The following NFYC variants were observed in gnomAD, a reference collection of about 807,000 sequenced individuals.
NFYC encodes nuclear transcription factor Y subunit gamma.
A neutral mutation model predicts 53.1 loss-of-function variants in NFYC; 25 were observed. That is an observed-to-expected ratio of 0.47 (90% confidence interval 0.34 to 0.66). The LOEUF (loss-of-function observed/expected upper bound fraction) is 0.66. Ranked by LOEUF, NFYC falls within the 30% of genes least tolerant of loss-of-function variation. NFYC has a pLI of 0.01. For missense variants in NFYC, 260 were observed against 422.7 expected, an observed-to-expected ratio of 0.62 and a Z score of 3.38; for synonymous variants, 145 against 152.6, an observed-to-expected ratio of 0.95 and a Z score of 0.37.
intron 1 of NFYC, among the ~76,000 whole-genome samples, chr1:40,731,088 T>A (rs893060965): frequency 2.0e-5 from 3 of 152,164 alleles, no homozygotes; most frequent in Non-Finnish European, 4.4e-5. Flanking sequence ...GATTGAGTTG[T>A]CCAGGCTTGG....
intron 1 of NFYC, among the ~76,000 whole-genome samples, chr1:40,695,006 G>A (rs2148397785): frequency 6.6e-6 from 1 of 152,222 alleles, no homozygotes; most frequent in African/African-American, 2.4e-5. Flanking sequence ...TAATCCCAGC[G>A]TTTTGGGAGG....
At chr1:40,753,381 T>TC in intron 5 of NFYC, 135 bp downstream of exon 5, 1 of 585,664 alleles carries the variant, frequency 1.7e-6, no homozygotes, top group Admixed American at 2.8e-5. Flanking sequence ...GATTCATTCT[T>TC]AACATCTCCT....
intron 1 of NFYC, among the ~76,000 whole-genome samples, chr1:40,724,693 TTG>T (rs1384024455): frequency 6.6e-6 from 1 of 152,224 alleles, no homozygotes; most frequent in Non-Finnish European, 1.5e-5. Flanking sequence ...GTCACTTTCA[TTG>T]TTTATACCAG....
intron 1 of NFYC, among the ~76,000 whole-genome samples, chr1:40,726,306 C>T (rs553790384): frequency 1.1e-3 from 168 of 151,970 alleles, no homozygotes; most frequent in Middle Eastern, 0.01. Context: ...TTAGTAGAGA[C>T]GGGGTTTCAC....
intron 1 of NFYC, among the ~76,000 whole-genome samples, chr1:40,694,980 C>T (rs1643046666): frequency 1.3e-5 from 2 of 152,172 alleles, no homozygotes; most frequent in South Asian, 2.1e-4. Context: ...AGACTGGGCG[C>T]AGTGGCTCAC....
rs140635541 is a variant in NFYC, at chr1:40,766,862, G to T, written c.828+159G>T. 1.1e-4 allele frequency: 170 copies of T among 1,537,628 alleles called. 2 individuals carry two copies. In the African/African-American group the frequency reaches 1.4e-3, roughly 13 times the overall value. ...TATCCTTCTGCACCCAAGAGGCATG[G>T]GTGGTAATTGGAACATTAGATTCAA... On this transcript the variant is annotated intron_variant, in intron 8 of 9. Transcript: ENST00000447388.
intron 1 of NFYC, among the ~76,000 whole-genome samples, chr1:40,693,645 A>G (rs879646788): frequency 5.3e-5 from 8 of 152,210 alleles, no homozygotes; most frequent in Non-Finnish European, 1.2e-4. Flanking sequence ...ACTGAGGATC[A>G]GAGAGTTTAA....
intron 1 of NFYC, among the ~76,000 whole-genome samples, chr1:40,728,891 G>A (rs544819998): frequency 1.0e-3 from 157 of 152,316 alleles, no homozygotes; most frequent in Non-Finnish European, 1.8e-3. Flanking sequence ...GCCCGCCTTG[G>A]CCTCCCAAAG....
At chr1:40,707,666 A>C (rs12737069) in intron 1 of NFYC, among the ~76,000 whole-genome samples, 1 of 151,232 alleles carries the variant, frequency 6.6e-6, no homozygotes, top group African/African-American at 2.4e-5. Flanking sequence ...AAAAAAAAAA[A>C]CAAGAAAAGA....
At chr1:40,710,950 T>C (rs1643909793) in intron 1 of NFYC, among the ~76,000 whole-genome samples, 1 of 152,226 alleles carries the variant, frequency 6.6e-6, no homozygotes, top group Admixed American at 6.5e-5. Flanking sequence ...ACTTCTGATA[T>C]TCAAGTCGAG....
intron 6 of NFYC, among the ~76,000 whole-genome samples, chr1:40,759,546 CAAAA>C (rs947535061): frequency 1.6e-4 from 20 of 126,426 alleles, no homozygotes; most frequent in African/African-American, 5.7e-4. Flanking sequence ...AAAAAAAAAA[CAAAA>C]AAAAGTATAT....
intron 1 of NFYC, among the ~76,000 whole-genome samples, chr1:40,699,961 A>T (rs1306502696): frequency 6.6e-6 from 1 of 152,202 alleles, no homozygotes; most frequent in Non-Finnish European, 1.5e-5. Flanking sequence ...ACGCGGTGTT[A>T]CTCAGACTTA....
At chr1:40,734,800 G>A (rs1644941686) in intron 1 of NFYC, 1 of 152,164 alleles carries the variant, frequency 6.6e-6, no homozygotes. Context: ...TCTTCTAAGA[G>A]ACATTACTAA....
chr1:40,703,660 A>G (rs181345944), intron 1 of NFYC, among the ~76,000 whole-genome samples: 1 of 152,218 alleles, frequency 6.6e-6, no homozygotes, highest in Admixed American at 6.5e-5. Flanking sequence ...GATTTGATTT[A>G]TATCTTTATG....
chr1:40,751,331 A>G (rs530615474), intron 4 of NFYC, among the ~76,000 whole-genome samples: 1 of 152,340 alleles, frequency 6.6e-6, no homozygotes, highest in South Asian at 2.1e-4. Flanking sequence ...GATAGAAATC[A>G]GAGTTGTGGT....
chr1:40,753,601 C>T (rs1456623901), intron 5 of NFYC, among the ~76,000 whole-genome samples: 1 of 152,216 alleles, frequency 6.6e-6, no homozygotes, highest in Non-Finnish European at 1.5e-5. Context: ...GAAACAGCTT[C>T]TCTATGTGCA....
At chr1:40,703,679 A>C (rs1357322864) in intron 1 of NFYC, among the ~76,000 whole-genome samples, 1 of 152,024 alleles carries the variant, frequency 6.6e-6, no homozygotes, top group African/African-American at 2.4e-5. Context: ...TGCTTTGGGG[A>C]TATATGTAGA....
At chr1:40,738,428 G>A (rs920249505) in intron 1 of NFYC, among the ~76,000 whole-genome samples, 25 of 152,314 alleles carry the variant, frequency 1.6e-4, no homozygotes, top group African/African-American at 5.3e-4. Flanking sequence ...GTGGCATGGA[G>A]GATGAGAAGC....
At chr1:40,754,692 C>T (rs887862855) in intron 5 of NFYC, among the ~76,000 whole-genome samples, 1 of 152,206 alleles carries the variant, frequency 6.6e-6, no homozygotes, top group Non-Finnish European at 1.5e-5. Flanking sequence ...TCAGGCCTTG[C>T]TCACTCTCAT....
Sources: allele counts gnomAD v4.1 joint callset (sites outside exome capture counted in the v4.1 genomes callset), GRCh38; gene constraint gnomAD v4.1.1; transcripts MANE v1.5; gene names NCBI Gene and HGNC (gene_info 2026-07-23, HGNC 2026-07-21).